Variants in GFRAL observed in about 807,000 individuals in gnomAD.
GFRAL encodes GDNF family receptor alpha like.
In GFRAL, 36 loss-of-function variants were observed where a neutral mutation model predicts 45.4. The ratio of observed to expected loss-of-function variants is 0.79; its 90% CI spans 0.61 to 1.05. The LOEUF is 1.05. GFRAL is among the 50% of genes least tolerant of loss of function. The probability of loss-of-function intolerance (pLI) is 0.00; values close to 1 mark genes in which losing one functional copy is unlikely to be tolerated. For synonymous variants in GFRAL, 166 were observed against 154.1 expected (o/e 1.08, Z -0.57); for missense variants, 507 against 467.5 (o/e 1.08, Z -0.78).
chr6:55,369,428 A>T (rs1272087657), intron 6 of GFRAL, among the ~76,000 whole-genome samples: 2 of 152,380 alleles, frequency 1.3e-5, no homozygotes, highest in Non-Finnish European at 2.9e-5. Flanking sequence ...TCGGAGCTGT[A>T]GACCGGAGCT....
chr6:55,376,936 A>G (rs1768542514), intron 6 of GFRAL, among the ~76,000 whole-genome samples: 1 of 151,784 alleles, frequency 6.6e-6, no homozygotes, highest in African/African-American at 2.4e-5. Flanking sequence ...TGGGACCTAC[A>G]AGTAGTCGGC....
intron 6 of GFRAL, among the ~76,000 whole-genome samples, chr6:55,365,464 T>A (rs1768347998): frequency 9.5e-6 from 1 of 105,086 alleles, no homozygotes; most frequent in African/African-American, 4.2e-5. Context: ...TGGCCAGAAC[T>A]TCCAACACTA....
intron 3 of GFRAL, among the ~76,000 whole-genome samples, chr6:55,345,148 A>G (rs1317031637): frequency 1.3e-5 from 2 of 152,152 alleles, no homozygotes; most frequent in African/African-American, 2.4e-5. Context: ...TGCCATCCCC[A>G]TCAAGCTACC....
At chr6:55,376,128 G>T (rs372574356) in intron 6 of GFRAL, among the ~76,000 whole-genome samples, 1 of 152,060 alleles carries the variant, frequency 6.6e-6, no homozygotes, top group East Asian at 1.9e-4. Context: ...TGTGGTTTTT[G>T]TCTTTAGTTC....
chr6:55,399,225 G>T lies in GFRAL; in HGVS notation c.998G>T (p.Arg333Ile), dbSNP rs137898068. 2 of 1,607,614 alleles carry T rather than the reference G, an allele frequency of 1.2e-6. No homozygotes were observed. Among genetic ancestry groups the T allele is most frequent in the Non-Finnish European group, 8.5e-7 (1 of 1,175,902 alleles). Residue 333 changes from arginine (R) to isoleucine (I), a missense_variant, in exon 7 of 9, where the codon AGA (arginine) becomes ATA (isoleucine). Arg to Ile is a moderately conservative substitution (Grantham distance 97). Coordinates refer to ENST00000340465, the MANE Select transcript of GFRAL (RefSeq NM_207410.2). ...SNVKGMALYT[R>I]KHANKITLTG... The stretch of plus-strand genomic sequence containing the variant: ...GTCAAAGGCATGGCATTGTATACAA[G>T]AAAACATGCAAACAAAATCACTTTA...
intron 6 of GFRAL, among the ~76,000 whole-genome samples, chr6:55,362,373 G>A (rs1010127265): frequency 6.6e-6 from 1 of 151,816 alleles, no homozygotes; most frequent in African/African-American, 2.4e-5. Flanking sequence ...TCATAGTTCT[G>A]TTCTGAGAAC....
At position 55,331,750 on chromosome 6, in the gene GFRAL, C is replaced by A. The variant is rs781640774; in HGVS notation, c.58C>A (p.Gln20Lys). ...AAGCTTGGAAAATGAATACACTTCCCAAACCAATAATTGCACATATTTAAG... is the reference window on the plus strand; with the variant it reads ...AAGCTTGGAAAATGAATACACTTCCAAAACCAATAATTGCACATATTTAAG... ...GLSLENEYTS[Q>K]TNNCTYLREQ... Residue 20 changes from glutamine to lysine, a missense_variant, in exon 2 of 9, where the codon CAA (glutamine) becomes AAA (lysine). Physicochemically the swap from Gln to Lys is moderately conservative, Grantham distance 53. Transcript: ENST00000340465. 6.2e-7 allele frequency: 1 copy of A among 1,610,832 alleles called. No homozygotes were observed. The highest frequency in any genetic ancestry group is 2.2e-5 in the East Asian group (1 of 44,572).
chr6:55,345,064 A>T (rs1353636241), intron 3 of GFRAL, among the ~76,000 whole-genome samples: 1 of 152,250 alleles, frequency 6.6e-6, no homozygotes. Flanking sequence ...ATCGAAGAGC[A>T]TTCCATGTTC....
At chr6:55,340,980 A>G (rs1014537934) in intron 3 of GFRAL, among the ~76,000 whole-genome samples, 15 of 152,128 alleles carry the variant, frequency 9.9e-5, no homozygotes, top group Non-Finnish European at 2.9e-5. Flanking sequence ...TGAGGGAGGG[A>G]CGCCTGTCAT....
At chr6:55,371,443 C>T (rs1409264314) in intron 6 of GFRAL, among the ~76,000 whole-genome samples, 1 of 151,846 alleles carries the variant, frequency 6.6e-6, no homozygotes, top group Non-Finnish European at 1.5e-5. Flanking sequence ...TTTAATCCTC[C>T]CCACCACTTC....
At chr6:55,349,757 C>A (rs564770951) in intron 3 of GFRAL, among the ~76,000 whole-genome samples, 1 of 134,350 alleles carries the variant, frequency 7.4e-6, no homozygotes, top group Admixed American at 7.6e-5. Context: ...AGAAAATATT[C>A]CTTCTGTTTT....
At chr6:55,388,729 C>G (rs1457401536) in intron 6 of GFRAL, among the ~76,000 whole-genome samples, 1 of 152,184 alleles carries the variant, frequency 6.6e-6, no homozygotes, top group East Asian at 1.9e-4. Flanking sequence ...TATTTTAATA[C>G]TGCCAGGTAG....
At chr6:55,348,284 T>A (rs2127354453) in intron 3 of GFRAL, among the ~76,000 whole-genome samples, 1 of 152,066 alleles carries the variant, frequency 6.6e-6, no homozygotes. Context: ...GTTTTATATT[T>A]AATGTGTAAA....
chr6:55,387,827 A>G (rs1262561238), intron 6 of GFRAL, among the ~76,000 whole-genome samples: 1 of 152,210 alleles, frequency 6.6e-6, no homozygotes, highest in Admixed American at 6.5e-5. Context: ...TTTTAATGTC[A>G]TATTTACAGC....
chr6:55,359,164 G>GCCTATCTATCTATCTATCTA lies in GFRAL; in HGVS notation c.952+26_952+27insCCTATCTATCTATCTATCTA, dbSNP rs148113230. 8.0e-6 allele frequency: 11 copies of GCCTATCTATCTATCTATCTA among 1,370,294 alleles called. No homozygotes were observed. In the African/African-American group the frequency reaches 1.6e-4, roughly 20 times the overall value. 84.9% of individuals were successfully genotyped at this position (1,370,294 alleles called of 1,614,324 possible). ...GTAAGTTCCCCAAATAAAATTATCT[G>GCCTATCTATCTATCTATCTA]TCTATCTATCTATCTATCTATCATC... On this transcript the variant is annotated intron_variant, in intron 6 of 8. Transcript: ENST00000340465.
intron 6 of GFRAL, among the ~76,000 whole-genome samples, chr6:55,375,507 C>T (rs1385957655): frequency 6.6e-6 from 1 of 152,048 alleles, no homozygotes; most frequent in Non-Finnish European, 1.5e-5. Context: ...TGCTTATTAG[C>T]TTAAGAAGCC....
chr6:55,390,022 A>G (rs1312606746), intron 6 of GFRAL, among the ~76,000 whole-genome samples: 3 of 152,252 alleles, frequency 2.0e-5, no homozygotes, highest in Non-Finnish European at 4.4e-5. Context: ...CAATTAATGC[A>G]TACCTCACTG....
At chr6:55,360,945 A>G (rs1768266796) in intron 6 of GFRAL, among the ~76,000 whole-genome samples, 1 of 152,000 alleles carries the variant, frequency 6.6e-6, no homozygotes, top group South Asian at 2.1e-4. Context: ...ATACAGGTCT[A>G]AACATCCTAA....
At chr6:55,363,715 A>C (rs923008979) in intron 6 of GFRAL, among the ~76,000 whole-genome samples, 43 of 150,468 alleles carry the variant, frequency 2.9e-4, no homozygotes, top group Non-Finnish European at 5.2e-4. Context: ...GCGATAGTTT[A>C]CTGAGAATGA....
Sources: gnomAD v4.1 joint callset for allele counts (sites outside exome capture counted in the v4.1 genomes callset) on GRCh38, gnomAD v4.1.1 for gene constraint, MANE v1.5 for transcripts, NCBI Gene and HGNC (gene_info 2026-07-23, HGNC 2026-07-21) for gene names.